TENM1: variants seen among roughly 807,000 people sequenced by gnomAD.
TENM1 encodes teneurin-1.
Under a neutral mutation model 174.8 loss-of-function variants are expected in TENM1, and 35 were observed. The ratio of observed to expected loss-of-function variants is 0.20; its 90% CI spans 0.15 to 0.27. The LOEUF is 0.27. Among genes scored for constraint, TENM1 ranks in the 10% least tolerant of loss-of-function variants. The pLI is 1.00. For synonymous variants in TENM1, 781 were observed against 798.7 expected (o/e 0.98, Z 0.37); for missense variants, 1,633 against 2,130.1 (o/e 0.77, Z 4.59).
At chrX:124,480,252 C>G (rs995903513) in intron 22 of TENM1, among the ~76,000 whole-genome samples, 2 of 111,606 alleles carry the variant, frequency 1.8e-5, no homozygotes, top group Non-Finnish European at 3.8e-5. Flanking sequence ...AAATCAAGTG[C>G]TAATTGTGTA....
the TENM1 span, among the ~76,000 whole-genome samples, chrX:125,169,529 G>C: frequency 9.0e-6 from 1 of 111,442 alleles, no homozygotes; most frequent in Non-Finnish European, 1.9e-5. Context: ...GAGATATCTA[G>C]TTTATATCTG....
intron 3 of TENM1, among the ~76,000 whole-genome samples, chrX:124,764,646 T>C (rs1182562400): frequency 9.2e-6 from 1 of 108,494 alleles, no homozygotes; most frequent in Non-Finnish European, 1.9e-5. Context: ...CAAAGGCCAA[T>C]GGAAGACATT....
At chrX:125,039,665 A>T in the TENM1 span, among the ~76,000 whole-genome samples, 2 of 111,696 alleles carry the variant, frequency 1.8e-5, no homozygotes, top group African/African-American at 6.5e-5. Flanking sequence ...ACCAACCCAG[A>T]AAACAGAATC....
Position 124,385,002 on chromosome X carries a change from T to C in TENM1, c.6077-148A>G, listed in dbSNP as rs112068279. ...ATCTCTGATATCAAATGCCTGGGCA[T>C]ATTACCTCATGGATATATATTCTCA... On this transcript the variant is annotated intron_variant, in intron 29 of 31. Transcript: ENST00000422452. 719 of 455,947 alleles carry C rather than the reference T, an allele frequency of 1.6e-3. 7 individuals carry two copies. In the African/African-American group the frequency reaches 0.016, roughly 10 times the overall value. 37.6% of individuals were successfully genotyped at this position (455,947 alleles called of 1,213,427 possible).
chrX:124,578,147 T>C (rs2049217376), intron 11 of TENM1, among the ~76,000 whole-genome samples: 1 of 110,953 alleles, frequency 9.0e-6, no homozygotes, highest in African/African-American at 3.3e-5. Context: ...AGGCTGGTCT[T>C]GAACTCCTGG....
chrX:124,501,010 A>G (rs2047316912), intron 19 of TENM1, among the ~76,000 whole-genome samples: 1 of 111,483 alleles, frequency 9.0e-6, no homozygotes, highest in South Asian at 3.8e-4. Context: ...ATAAGTTAAA[A>G]GAAATTCTTT....
the TENM1 span, among the ~76,000 whole-genome samples, chrX:125,067,864 A>C: frequency 8.9e-6 from 1 of 112,187 alleles, no homozygotes; most frequent in Admixed American, 9.5e-5. Flanking sequence ...AGAGAATAAA[A>C]GTTGGCTTTG....
At chrX:124,752,045 T>C (rs952813128) in intron 3 of TENM1, among the ~76,000 whole-genome samples, 2 of 110,765 alleles carry the variant, frequency 1.8e-5, no homozygotes, top group African/African-American at 6.6e-5. Flanking sequence ...TTTCCAGTTC[T>C]AGATCCCTGA....
At chrX:125,001,010 G>A in the TENM1 span, among the ~76,000 whole-genome samples, 1 of 109,751 alleles carries the variant, frequency 9.1e-6, no homozygotes, top group African/African-American at 3.3e-5. Flanking sequence ...TAATAAACCT[G>A]CCAAGGGCTT....
intron 18 of TENM1, among the ~76,000 whole-genome samples, chrX:124,504,361 A>G: frequency 8.9e-6 from 1 of 112,281 alleles, no homozygotes; most frequent in Admixed American, 9.4e-5. Context: ...CTCAACTGCT[A>G]TGCAGCACAG....
chrX:125,134,760 T>C, the TENM1 span, among the ~76,000 whole-genome samples: 1 of 112,225 alleles, frequency 8.9e-6, no homozygotes, highest in Non-Finnish European at 1.9e-5. Context: ...CACATGCAGT[T>C]AAGTGCTTTT....
chrX:124,494,364 C>T (rs916476898), intron 20 of TENM1, among the ~76,000 whole-genome samples: 1 of 110,932 alleles, frequency 9.0e-6, no homozygotes, highest in African/African-American at 3.3e-5. Flanking sequence ...AAACTTAAAG[C>T]CAAATGTTCC....
At chrX:124,686,490 TC>T (rs1335655917) in intron 5 of TENM1, among the ~76,000 whole-genome samples, 2 of 112,268 alleles carry the variant, frequency 1.8e-5, no homozygotes, top group Non-Finnish European at 3.8e-5. Flanking sequence ...ATATTGCTTA[TC>T]CCTGATGAAC....
the TENM1 span, among the ~76,000 whole-genome samples, chrX:124,975,633 A>G: frequency 8.9e-6 from 1 of 111,952 alleles, no homozygotes; most frequent in Admixed American, 9.5e-5. Context: ...TGGAAGCAGT[A>G]GCATTTCTAC....
At chrX:125,019,740 C>T in the TENM1 span, among the ~76,000 whole-genome samples, 1 of 110,930 alleles carries the variant, frequency 9.0e-6, no homozygotes, top group Non-Finnish European at 1.9e-5. Flanking sequence ...TCTCCCTGAA[C>T]CCCAAGTCTT....
At chrX:124,806,819 G>A (rs920309768) in intron 3 of TENM1, among the ~76,000 whole-genome samples, 3 of 110,851 alleles carry the variant, frequency 2.7e-5, no homozygotes, top group Non-Finnish European at 5.7e-5. Flanking sequence ...GGGAAGCCAG[G>A]GTATTATGTG....
intron 11 of TENM1, among the ~76,000 whole-genome samples, chrX:124,602,901 T>C (rs1305494730): frequency 1.2e-4 from 13 of 111,515 alleles, no homozygotes; most frequent in Non-Finnish European, 2.5e-4. Context: ...AAAAGGGTTT[T>C]TGCAAATGTA....
the TENM1 span, among the ~76,000 whole-genome samples, chrX:125,028,362 T>C: frequency 8.9e-6 from 1 of 112,324 alleles, no homozygotes; most frequent in African/African-American, 3.2e-5. Context: ...TGAAAACCTA[T>C]ATGGATGCTG....
At chrX:124,452,949 A>G (rs1432548189) in intron 23 of TENM1, among the ~76,000 whole-genome samples, 1 of 110,146 alleles carries the variant, frequency 9.1e-6, no homozygotes, top group Non-Finnish European at 1.9e-5. Context: ...AACATGGCAC[A>G]TGTATACATA....
Sources: allele counts gnomAD v4.1 joint callset (sites outside exome capture counted in the v4.1 genomes callset), GRCh38; gene constraint gnomAD v4.1.1; transcripts MANE v1.5; gene names NCBI Gene and HGNC (gene_info 2026-07-23, HGNC 2026-07-21).